LFNG: variants seen among roughly 807,000 people sequenced by gnomAD.
The protein encoded by LFNG is beta-1,3-N-acetylglucosaminyltransferase lunatic fringe.
A neutral mutation model predicts 32.7 loss-of-function variants in LFNG; 15 were observed. The ratio of observed to expected loss-of-function variants is 0.46; its 90% CI spans 0.31 to 0.71. LFNG has a LOEUF of 0.71. Ranked by LOEUF, LFNG falls within the 30% of genes least tolerant of loss-of-function variation. The pLI is 0.06. For synonymous variants in LFNG, 274 were observed against 246.8 expected (o/e 1.11, Z -1.03); for missense variants, 520 against 545.7 (o/e 0.95, Z 0.47).
chr7:2,528,781 A>C, downstream of LFNG: 1 of 649,800 alleles, frequency 1.5e-6, no homozygotes, highest in Non-Finnish European at 2.8e-6. Context: ...TGCAGGAGGG[A>C]CAGTGACTCC....
At chr7:2,512,760 G>A (rs376588308) in intron 1 of LFNG, 53 of 1,521,842 alleles carry the variant, frequency 3.5e-5, no homozygotes, top group Non-Finnish European at 4.2e-5. Flanking sequence ...CCTCTTGCTC[G>A]TGAACCTGGA....
chr7:2,524,769 G>A (rs1404075320), intron 2 of LFNG, 26 bp downstream of exon 2: 2 of 1,564,660 alleles, frequency 1.3e-6, no homozygotes, highest in Non-Finnish European at 1.7e-6. Context: ...GGGGCGGGAG[G>A]GGGCCCAGGC....
intron 1 of LFNG, among the ~76,000 whole-genome samples, chr7:2,521,947 C>A (rs1337722531): frequency 6.6e-6 from 1 of 152,162 alleles, no homozygotes; most frequent in Non-Finnish European, 1.5e-5. Flanking sequence ...TGGAGGGTCA[C>A]CCCACCAGGG....
At chr7:2,515,188 G>A (rs865914345), upstream of LFNG, among the ~76,000 whole-genome samples, 16 of 150,384 alleles carry the variant, frequency 1.1e-4, no homozygotes, top group Admixed American at 4.0e-4. Flanking sequence ...CCATCCATCC[G>A]TCCCTCCATC....
rs755522058 is a variant in LFNG, at chr7:2,527,039, G to A, written c.1074-107G>A. On this transcript the variant is annotated intron_variant, in intron 7 of 7. Transcript: ENST00000222725. The surrounding 1 kb of genome is among the most constrained non-coding windows in gnomAD (Gnocchi z 4.4). ...ATGACTCTACATAGAGGTGTCCCCC[G>A]GAGTCCTGCTTGCTCGGGGTGGGGC... The A allele has an allele frequency of 3.9e-5, 56 of 1,420,016 alleles. No homozygotes were observed. Among genetic ancestry groups the A allele is most frequent in the African/African-American group, 8.5e-5 (6 of 70,622 alleles). The allele number at this position is 1,420,016 out of a possible 1,614,324, so 88.0% of individuals were successfully genotyped here. A position where few individuals can be genotyped will look rare whatever the true frequency, so the allele number is the denominator to read the frequency against.
chr7:2,515,720 A>G (rs887662891), upstream of LFNG, among the ~76,000 whole-genome samples: 1 of 152,214 alleles, frequency 6.6e-6, no homozygotes, highest in African/African-American at 2.4e-5. Flanking sequence ...TTACAGAGTC[A>G]AGTAACGTCC....
upstream of LFNG, chr7:2,518,659 T>C: frequency 2.5e-6 from 4 of 1,583,528 alleles, no homozygotes; most frequent in Non-Finnish European, 3.4e-6. Flanking sequence ...GGCGTGAACA[T>C]AACTCCGAGG....
At position 2,520,058 on chromosome 7, in the gene LFNG, C is replaced by T. The variant is rs1779742124; in HGVS notation, c.197C>T (p.Ala66Val). Residue 66 changes from alanine to valine, a missense_variant, in exon 1 of 8, where the codon GCG (alanine) becomes GTG (valine). Around this residue, in one of 3 missense-constraint regions of LFNG, gnomAD observed 360 missense variants for 354.7 expected, o/e 1.01. Coordinates refer to ENST00000222725, the MANE Select transcript of LFNG (RefSeq NM_001040167.2). The surrounding 1 kb of genome is among the most constrained non-coding windows in gnomAD (Gnocchi z 5.0). ...GGGGCGGCGGCGGCGGCGCCCGGGG[C>T]GCTGGTCCGCGACGTGCACAGTCTG... The part of the protein sequence containing the change: ...GLGAAAAAPG[A>V]LVRDVHSLSE... 4 of 1,156,552 alleles carry T rather than the reference C, an allele frequency of 3.5e-6. No homozygotes were observed. Among genetic ancestry groups the T allele is most frequent in the African/African-American group, 1.6e-5 (1 of 60,766 alleles). The allele number at this position is 1,156,552 out of a possible 1,614,324, so 71.6% of individuals were successfully genotyped here.
chr7:2,521,275 C>T (rs1779781098), intron 1 of LFNG, among the ~76,000 whole-genome samples: 1 of 152,066 alleles, frequency 6.6e-6, no homozygotes, highest in Non-Finnish European at 1.5e-5. Context: ...GCCCTGGGAA[C>T]CCCATGGCAG....
At chr7:2,523,633 G>A (rs1045815918) in intron 1 of LFNG, 2 of 152,190 alleles carry the variant, frequency 1.3e-5, no homozygotes, top group Non-Finnish European at 1.5e-5. Flanking sequence ...GGGCGCCGGC[G>A]ACTCCTGGCC....
chr7:2,514,860 GTCTA>G (rs1488193281), upstream of LFNG, among the ~76,000 whole-genome samples: 19 of 128,286 alleles, frequency 1.5e-4, no homozygotes, highest in Non-Finnish European at 1.5e-4. Context: ...CCATTCATCT[GTCTA>G]TCCATCCATC....
At chr7:2,528,707 G>T (rs1780071860), downstream of LFNG, among the ~76,000 whole-genome samples, 1 of 152,174 alleles carries the variant, frequency 6.6e-6, no homozygotes, top group African/African-American at 2.4e-5. Context: ...GGGGGCTCTA[G>T]GTCCCAGCCA....
upstream of LFNG, among the ~76,000 whole-genome samples, chr7:2,516,745 TGCAGA>T (rs1386512239): frequency 6.6e-6 from 1 of 152,132 alleles, no homozygotes; most frequent in Non-Finnish European, 1.5e-5. Context: ...GGAGGGGCCC[TGCAGA>T]GGGGAAGACT....
chr7:2,520,695 A>G lies in LFNG; in HGVS notation c.432+402A>G, dbSNP rs1263205062. Among the ~76,000 whole-genome samples the G allele has an allele frequency of 6.6e-6, 1 of 152,216 alleles. No homozygotes were observed. Among genetic ancestry groups the G allele is most frequent in the Admixed American group, 6.5e-5 (1 of 15,276 alleles). On this transcript the variant is annotated intron_variant, in intron 1 of 7. Coordinates refer to ENST00000222725, the MANE Select transcript of LFNG (RefSeq NM_001040167.2). This position sits in a 1 kb window ranked among gnomAD's most constrained non-coding sequence, Gnocchi z 5.0. ...AGCTCAGACCCCTTCCTGGGGAGAA[A>G]GGCTCTTCCTTTAGAGAAGTGAGGG... is the stretch of plus-strand genomic sequence containing the variant.
chr7:2,528,390 G>A lies in LFNG; in HGVS notation c.*1178G>A. On this transcript the variant is annotated 3_prime_UTR_variant, in exon 8 of 8. Coordinates refer to ENST00000222725, the MANE Select transcript of LFNG (RefSeq NM_001040167.2). Reference sequence around the variant, plus strand: ...GGAATTGAAGTGTTGTTGCTATGGTGACGTCCTTTTGCTGTGAATAAAGGT... The same window carrying A: ...GGAATTGAAGTGTTGTTGCTATGGTAACGTCCTTTTGCTGTGAATAAAGGT... 1.0e-6 allele frequency: 1 copy of A among 986,954 alleles called. No homozygotes were observed. Among genetic ancestry groups the A allele is most frequent in the Non-Finnish European group, 1.2e-6 (1 of 830,466 alleles). 61.1% of individuals were successfully genotyped at this position (986,954 alleles called of 1,614,324 possible). A position where few individuals can be genotyped will look rare whatever the true frequency, so the allele number is the denominator to read the frequency against.
chr7:2,512,738 C>G, intron 1 of LFNG: 1 of 1,602,134 alleles, frequency 6.2e-7, no homozygotes, highest in East Asian at 2.2e-5. Flanking sequence ...TAGAATGCCA[C>G]TCAGAGCCGT....
rs1562556242 is a variant in LFNG, at chr7:2,527,331, C to CAT, written c.*119_*120insAT. 7.2e-6 allele frequency: 11 copies of CAT among 1,528,518 alleles called. No homozygotes were observed. Among genetic ancestry groups the CAT allele is most frequent in the East Asian group, 4.9e-5 (2 of 40,850 alleles). The allele number at this position is 1,528,518 out of a possible 1,614,324, so 94.7% of individuals were successfully genotyped here. The stretch of plus-strand genomic sequence containing the variant: ...CCCTAGGGCCGTGCCTGTGCGTGTG[C>CAT]GTGTGCGTGTGTGTGTGTGTGTACT... On this transcript the variant is annotated 3_prime_UTR_variant, in exon 8 of 8. Coordinates refer to ENST00000222725, the MANE Select transcript of LFNG (RefSeq NM_001040167.2). The surrounding 1 kb of genome is among the most constrained non-coding windows in gnomAD (Gnocchi z 4.4).
chr7:2,521,401 G>A (rs1397757581), intron 1 of LFNG, among the ~76,000 whole-genome samples: 1 of 152,226 alleles, frequency 6.6e-6, no homozygotes, highest in Admixed American at 6.5e-5. Flanking sequence ...GCGCCGGGCG[G>A]CTCTCACGCC....
At position 2,526,138 on chromosome 7, in the gene LFNG, G is replaced by T; in HGVS notation, c.822-106G>T. The T allele has an allele frequency of 1.6e-6, 2 of 1,236,280 alleles. No homozygotes were observed. Among genetic ancestry groups the T allele is most frequent in the Non-Finnish European group, 2.3e-6 (2 of 867,498 alleles). The allele number at this position is 1,236,280 out of a possible 1,614,324, so 76.6% of individuals were successfully genotyped here. ...GCTGCAGCCCAGAGCTCTCCTCAGG[G>T]CTCCTCTCCCTGAGGAGTGCAGCGC... On this transcript the variant is annotated intron_variant, in intron 5 of 7. Transcript: ENST00000222725. The surrounding 1 kb of genome is among the most constrained non-coding windows in gnomAD (Gnocchi z 6.9).
Sources: gnomAD v4.1 joint callset for allele counts (sites outside exome capture counted in the v4.1 genomes callset) on GRCh38, gnomAD v4.1.1 for gene constraint, gnomAD v4.1.1 regional missense constraint, Gnocchi (gnomAD v3.1) non-coding constraint, MANE v1.5 for transcripts, NCBI Gene and HGNC (gene_info 2026-07-23, HGNC 2026-07-21) for gene names.